The following DPYD variants were observed in gnomAD, a reference collection of about 807,000 sequenced individuals.
The protein encoded by DPYD is dihydropyrimidine dehydrogenase.
DPYD carries 109 observed loss-of-function variants against 116.2 expected under a neutral mutation model. The observed-to-expected ratio is 0.94, with a 90% CI of 0.80 to 1.10. The LOEUF (loss-of-function observed/expected upper bound fraction) is 1.10. DPYD is among the 50% of genes least tolerant of loss of function. The pLI is 0.00. For synonymous variants in DPYD, 440 were observed against 432.0 expected, an observed-to-expected ratio of 1.02 and a Z score of -0.23; for missense variants, 1,302 against 1,254.5, an observed-to-expected ratio of 1.04 and a Z score of -0.57.
chr1:97,466,125 G>A (rs1448609518), intron 13 of DPYD, among the ~76,000 whole-genome samples: 1 of 152,120 alleles, frequency 6.6e-6, no homozygotes. Context: ...AATTGATTGA[G>A]ACATGTCTCA....
In DPYD at chr1:97,681,337, G is replaced by A. The variant is rs1263809567; in HGVS notation, c.763-2155C>T. Among the ~76,000 whole-genome samples the A allele has an allele frequency of 3.3e-5, 5 of 152,118 alleles. No individual in the cohort carries two copies. The South Asian group carries it at 1.0e-3, about 31-fold the overall frequency. ...CGTGAAGACCTACTAAAAAGGTTGTGTTTCAAGAATATAAAGTGCAAAGCA... is the reference window on the plus strand; with the variant it reads ...CGTGAAGACCTACTAAAAAGGTTGTATTTCAAGAATATAAAGTGCAAAGCA... On this transcript the variant is annotated intron_variant, in intron 7 of 22. Transcript: ENST00000370192.
At chr1:97,353,949 G>T (rs964409250) in intron 16 of DPYD, among the ~76,000 whole-genome samples, 5 of 152,200 alleles carry the variant, frequency 3.3e-5, no homozygotes, top group Non-Finnish European at 7.3e-5. Context: ...GAGCCAGATG[G>T]CCGAGATTTG....
At chr1:97,426,757 GA>G (rs1487827103) in intron 14 of DPYD, among the ~76,000 whole-genome samples, 1 of 152,028 alleles carries the variant, frequency 6.6e-6, no homozygotes, top group African/African-American at 2.4e-5. Context: ...CTAGGATCTA[GA>G]AAAAAATTTA....
intron 18 of DPYD, among the ~76,000 whole-genome samples, chr1:97,261,278 C>A (rs1238161770): frequency 6.6e-6 from 1 of 151,910 alleles, no homozygotes. Context: ...TGCCTCTATG[C>A]GCTGGGCACT....
chr1:97,234,221 T>C (rs567785322), intron 19 of DPYD, among the ~76,000 whole-genome samples: 2 of 152,158 alleles, frequency 1.3e-5, no homozygotes, highest in South Asian at 2.1e-4. Flanking sequence ...ACTAAGCCCA[T>C]GTTGAGCAAC....
At chr1:97,371,140 A>G (rs1320071842) in intron 16 of DPYD, among the ~76,000 whole-genome samples, 3 of 152,164 alleles carry the variant, frequency 2.0e-5, no homozygotes, top group African/African-American at 7.2e-5. Context: ...TTACTTAGGT[A>G]CAAAGGCAGC....
At chr1:97,671,544 T>C (rs947734750) in intron 8 of DPYD, among the ~76,000 whole-genome samples, 1 of 152,208 alleles carries the variant, frequency 6.6e-6, no homozygotes, top group African/African-American at 2.4e-5. Flanking sequence ...GAAAGATGCA[T>C]GAATTTTAAG....
At chr1:97,346,005 AAAGT>A (rs1345916821) in intron 16 of DPYD, among the ~76,000 whole-genome samples, 3 of 151,910 alleles carry the variant, frequency 2.0e-5, no homozygotes, top group Admixed American at 1.3e-4. Flanking sequence ...TATATTAGGT[AAAGT>A]AAGTTTTTAT....
chr1:97,429,680 G>A (rs1179268782), intron 14 of DPYD, among the ~76,000 whole-genome samples: 1 of 152,046 alleles, frequency 6.6e-6, no homozygotes, highest in East Asian at 1.9e-4. Flanking sequence ...TAGTGATAAA[G>A]TATGTCTACT....
intron 13 of DPYD, among the ~76,000 whole-genome samples, chr1:97,454,710 G>A (rs533492993): frequency 5.3e-5 from 8 of 151,790 alleles, no homozygotes; most frequent in East Asian, 3.9e-4. Context: ...AATGGTAAGC[G>A]GACTGATTAT....
At chr1:97,589,256 C>A (rs1168100995) in intron 10 of DPYD, among the ~76,000 whole-genome samples, 5 of 152,182 alleles carry the variant, frequency 3.3e-5, no homozygotes, top group Non-Finnish European at 4.4e-5. Context: ...TATACATGGT[C>A]TCAAACAATT....
intron 18 of DPYD, among the ~76,000 whole-genome samples, chr1:97,300,931 G>A (rs935184045): frequency 1.3e-5 from 2 of 151,798 alleles, no homozygotes; most frequent in Admixed American, 6.6e-5. Flanking sequence ...CTACACTGAC[G>A]CAGATCTACA....
chr1:97,173,313 CACACATATATACACATATATGTGT>C (rs1656940985), intron 20 of DPYD, among the ~76,000 whole-genome samples: 4 of 117,502 alleles, frequency 3.4e-5, no homozygotes, highest in African/African-American at 3.2e-5. Flanking sequence ...CATATATATG[CACACATATATACACATATATGTGT>C]ATATATGCAC....
At chr1:97,096,268 C>G (rs1557860042) in intron 21 of DPYD, among the ~76,000 whole-genome samples, 1 of 151,688 alleles carries the variant, frequency 6.6e-6, no homozygotes, top group Non-Finnish European at 1.5e-5. Context: ...TGTTTTTTGT[C>G]TAAGTTATCA....
intron 3 of DPYD, among the ~76,000 whole-genome samples, chr1:97,750,489 G>C (rs941986165): frequency 4.6e-5 from 7 of 152,120 alleles, no homozygotes; most frequent in Admixed American, 2.0e-4. Context: ...TATTGTTTGC[G>C]TTTTTTGCAA....
chr1:97,281,762 A>G (rs638456), intron 18 of DPYD, among the ~76,000 whole-genome samples: 61,517 of 151,782 alleles, frequency 0.41, 12,696 homozygotes, highest in Middle Eastern at 0.46. Flanking sequence ...ATCCCTAAAT[A>G]ACATCAATTA....
At chr1:97,845,579 A>T (rs112905740) in intron 2 of DPYD, among the ~76,000 whole-genome samples, 1 of 152,202 alleles carries the variant, frequency 6.6e-6, no homozygotes, top group African/African-American at 2.4e-5. Context: ...TCCCTCCAGT[A>T]GCCTGCGTAC....
At chr1:97,320,652 T>C (rs1668195332) in intron 16 of DPYD, among the ~76,000 whole-genome samples, 1 of 73,810 alleles carries the variant, frequency 1.4e-5, no homozygotes, top group Non-Finnish European at 2.7e-5. Flanking sequence ...AAAATGGCCA[T>C]ACTGCCCAAG....
intron 8 of DPYD, among the ~76,000 whole-genome samples, chr1:97,626,617 A>G (rs537666774): frequency 1.2e-4 from 19 of 152,204 alleles, no homozygotes; most frequent in Admixed American, 7.9e-4. Flanking sequence ...TTGGTCTTCT[A>G]AAACAATGTT....
Sources: gnomAD v4.1 joint callset for allele counts (sites outside exome capture counted in the v4.1 genomes callset) on GRCh38, gnomAD v4.1.1 for gene constraint, MANE v1.5 for transcripts, NCBI Gene and HGNC (gene_info 2026-07-23, HGNC 2026-07-21) for gene names.